Variants in AQP9 observed in about 807,000 individuals in gnomAD.
AQP9 encodes the protein aquaporin-9.
In AQP9, 19 loss-of-function variants were observed where a neutral mutation model predicts 23.8. That is an observed-to-expected ratio of 0.80 (90% CI 0.56 to 1.17). The LOEUF is 1.17. Ranked by LOEUF, AQP9 falls within the 50% of genes most tolerant of loss-of-function variation. AQP9 has a pLI of 0.00. For missense variants in AQP9, 413 were observed against 362.0 expected (o/e 1.14, Z -1.14); for synonymous variants, 153 against 131.5 (o/e 1.16, Z -1.12).
At position 58,174,956 on chromosome 15, in the gene AQP9, G is replaced by A. The variant is rs367676440; in HGVS notation, c.415G>A (p.Val139Met). The A allele has an allele frequency of 7.0e-5, 113 of 1,614,180 alleles. No individual in the cohort carries two copies. Among genetic ancestry groups the A allele is most frequent in the Middle Eastern group, 3.3e-4 (2 of 6,062 alleles). The change falls in exon 4 of 6, where the codon GTG becomes ATG. Residue 139 changes from valine (V) to methionine (M), a missense_variant. Val to Met is a conservative substitution (Grantham distance 21). Transcript: ENST00000219919. ...CTTTGCTGGTGGAAAACTGCTGATC[G>A]TGGGAGAAAATGCAACAGCACACAT... Reference protein sequence around the residue: ...MSFAGGKLLIVGENATAHIFA... With the variant: ...MSFAGGKLLIMGENATAHIFA...
At chr15:58,165,626 C>T (rs533328505) in intron 1 of AQP9, among the ~76,000 whole-genome samples, 1 of 152,272 alleles carries the variant, frequency 6.6e-6, no homozygotes, top group East Asian at 1.9e-4. Context: ...GGTCTTTCCA[C>T]TTTGGTATAC....
chr15:58,169,987 T>C (rs1898586116), intron 2 of AQP9, among the ~76,000 whole-genome samples: 2 of 152,304 alleles, frequency 1.3e-5, no homozygotes, highest in African/African-American at 2.4e-5. Flanking sequence ...TTCCCTCTGC[T>C]CACCTAAGAC....
At chr15:58,178,265 A>AT (rs1898800283) in intron 4 of AQP9, among the ~76,000 whole-genome samples, 1 of 152,032 alleles carries the variant, frequency 6.6e-6, no homozygotes, top group Non-Finnish European at 1.5e-5. Flanking sequence ...AAAAATACAA[A>AT]TTTTTTTCAC....
At chr15:58,150,702 A>G (rs1190626488) in intron 1 of AQP9, 1 of 152,156 alleles carries the variant, frequency 6.6e-6, no homozygotes, top group Non-Finnish European at 1.5e-5. Flanking sequence ...CCATAACTTA[A>G]TATTTATATA....
chr15:58,145,820 G>T (rs1232497319), intron 1 of AQP9, among the ~76,000 whole-genome samples: 4 of 152,148 alleles, frequency 2.6e-5, no homozygotes, highest in African/African-American at 9.7e-5. Context: ...TTCAGGAAGG[G>T]TGTGTGACAG....
At chr15:58,174,773 T>C (rs1898701580) in intron 3 of AQP9, 145 bp from the exon 4 acceptor site, 2 of 680,938 alleles carry the variant, frequency 2.9e-6, no homozygotes, top group Non-Finnish European at 2.6e-6. Flanking sequence ...TCTAAAACTA[T>C]CATTCCTCGG....
chr15:58,164,770 A>G (rs1349253249), intron 1 of AQP9, among the ~76,000 whole-genome samples: 1 of 152,172 alleles, frequency 6.6e-6, no homozygotes, highest in Non-Finnish European at 1.5e-5. Context: ...GCTGTCAGAG[A>G]AATCATTCTA....
At chr15:58,175,116 C>A in intron 4 of AQP9, 80 bp downstream of exon 4, 2 of 1,258,170 alleles carry the variant, frequency 1.6e-6, no homozygotes, top group Non-Finnish European at 1.2e-6. Flanking sequence ...GAATTAGAGA[C>A]CAATCAGAAA....
intron 5 of AQP9, among the ~76,000 whole-genome samples, chr15:58,180,702 G>C (rs181788126): frequency 6.6e-6 from 1 of 152,122 alleles, no homozygotes; most frequent in South Asian, 2.1e-4. Context: ...GGGCATTTTT[G>C]GTTGTCACGG....
intron 5 of AQP9, among the ~76,000 whole-genome samples, chr15:58,183,165 T>A (rs11071370): frequency 0.9 from 136,516 of 151,922 alleles, 61,827 homozygotes; most frequent in Non-Finnish European, 0.96. Context: ...TTTTGTGTTT[T>A]CCATTCCCCT....
At position 58,184,171 on chromosome 15, in the gene AQP9, G is replaced by C. The variant is rs376293162; in HGVS notation, c.*36G>C. The C allele has an allele frequency of 1.9e-6, 3 of 1,598,670 alleles. No individual in the cohort carries two copies. The highest frequency in any genetic ancestry group is 1.1e-5 in the South Asian group (1 of 89,766). The stretch of plus-strand genomic sequence containing the variant: ...AGCTCTGGATTTGCAGTCAGTTTGG[G>C]ATTCTCTTCAGAAAGATGGCATCTA... On this transcript the variant is annotated 3_prime_UTR_variant, in exon 6 of 6. Coordinates refer to ENST00000219919, the MANE Select transcript of AQP9 (RefSeq NM_020980.5).
chr15:58,177,649 G>A (rs55885730), intron 4 of AQP9, among the ~76,000 whole-genome samples: 23,441 of 152,052 alleles, frequency 0.15, 1,884 homozygotes, highest in Non-Finnish European at 0.17. Context: ...TGTTTTACTC[G>A]AGTTTTCTTA....
At chr15:58,180,947 T>C (rs751300311) in intron 5 of AQP9, among the ~76,000 whole-genome samples, 1 of 152,222 alleles carries the variant, frequency 6.6e-6, no homozygotes, top group Non-Finnish European at 1.5e-5. Context: ...CAAAAACATA[T>C]GTCCTAAGGA....
At chr15:58,161,042 G>A (rs1159277702) in intron 1 of AQP9, among the ~76,000 whole-genome samples, 3 of 152,162 alleles carry the variant, frequency 2.0e-5, no homozygotes, top group African/African-American at 7.2e-5. Context: ...GGAGAGCCCT[G>A]AGGACCAGCT....
intron 4 of AQP9, among the ~76,000 whole-genome samples, chr15:58,176,996 A>T (rs190581702): frequency 9.3e-4 from 142 of 152,188 alleles, no homozygotes; most frequent in African/African-American, 3.3e-3. Context: ...TTGTGTATAA[A>T]GTCAAGTAGA....
At chr15:58,182,104 G>A (rs879591907) in intron 5 of AQP9, among the ~76,000 whole-genome samples, 1 of 152,174 alleles carries the variant, frequency 6.6e-6, no homozygotes, top group Admixed American at 6.5e-5. Context: ...GAGGGCAAGA[G>A]TCAACAGACC....
chr15:58,171,296 G>T (rs1595741648), intron 2 of AQP9, among the ~76,000 whole-genome samples: 1 of 151,822 alleles, frequency 6.6e-6, no homozygotes. Context: ...ACCATGTTGG[G>T]CAGGCTGGTC....
chr15:58,176,623 T>G (rs1898761342), intron 4 of AQP9, among the ~76,000 whole-genome samples: 1 of 151,560 alleles, frequency 6.6e-6, no homozygotes. Flanking sequence ...AAGCTTTTTT[T>G]TTTTTTTTTT....
intron 4 of AQP9, 76 bp downstream of exon 4, chr15:58,175,112 G>C: frequency 1.6e-6 from 2 of 1,285,486 alleles, no homozygotes; most frequent in Admixed American, 1.7e-5. Flanking sequence ...TGGAGAATTA[G>C]AGACCAATCA....
Sources: allele counts gnomAD v4.1 joint callset (sites outside exome capture counted in the v4.1 genomes callset), GRCh38; gene constraint gnomAD v4.1.1; transcripts MANE v1.5; gene names NCBI Gene and HGNC (gene_info 2026-07-23, HGNC 2026-07-21).